ANK2: variants seen among roughly 807,000 people sequenced by gnomAD.
The protein encoded by ANK2 is ankyrin 2.
A neutral mutation model predicts 360.5 loss-of-function variants in ANK2; 83 were observed. That is an observed-to-expected ratio of 0.23 (90% CI 0.19 to 0.28). ANK2 has a LOEUF of 0.28. Among genes scored for constraint, ANK2 ranks in the 10% least tolerant of loss-of-function variants. The pLI is 1.00. For missense variants in ANK2, 4,201 were observed against 4,795.7 expected (o/e 0.88, Z 3.66); for synonymous variants, 1,740 against 1,759.5 (o/e 0.99, Z 0.28).
chr4:112,819,892 T>C (rs973655646), intron 1 of ANK2, among the ~76,000 whole-genome samples: 2 of 152,224 alleles, frequency 1.3e-5, no homozygotes, highest in South Asian at 2.1e-4. Context: ...GTAGTCTTCC[T>C]GATCTGGCCC....
intron 4 of ANK2, among the ~76,000 whole-genome samples, chr4:113,217,647 A>G (rs2099100600): frequency 6.6e-6 from 1 of 152,052 alleles, no homozygotes; most frequent in African/African-American, 2.4e-5. Flanking sequence ...TGCACCTGTG[A>G]GAATCTAATG....
At chr4:112,753,568 A>G in the ANK2 span, among the ~76,000 whole-genome samples, 1 of 152,120 alleles carries the variant, frequency 6.6e-6, no homozygotes, top group Non-Finnish European at 1.5e-5. Flanking sequence ...GTGAAATAGG[A>G]TATTGGCACA....
At chr4:112,718,471 C>T in the ANK2 span, among the ~76,000 whole-genome samples, 232 of 151,976 alleles carry the variant, frequency 1.5e-3, no homozygotes, top group African/African-American at 5.2e-3. Flanking sequence ...CCCACCACCA[C>T]GTTAACTAAT....
rs1168307046 is a variant in ANK2, at chr4:112,991,263, C to T, written c.21+86749C>T. ...AAAAAAAAAAAAAAAAATCAAGAAC[C>T]TCGTGTTGGAGACCTTCATTGGTTC... On this transcript the variant is annotated intron_variant, in intron 2 of 30. Coordinates refer to the ANK2 transcript ENST00000503271. Among the ~76,000 whole-genome samples, 4 of 145,498 alleles carry T rather than the reference C, an allele frequency of 2.7e-5. No homozygotes were observed. The East Asian group carries it at 8.1e-4, about 29-fold the overall frequency.
chr4:113,012,009 T>A (rs1245976514), intron 2 of ANK2, among the ~76,000 whole-genome samples: 1 of 152,086 alleles, frequency 6.6e-6, no homozygotes, highest in Non-Finnish European at 1.5e-5. Context: ...AGGCTCAAAT[T>A]TCATCATGTT....
chr4:112,761,626 A>C, the ANK2 span, among the ~76,000 whole-genome samples: 1 of 152,068 alleles, frequency 6.6e-6, no homozygotes, highest in Non-Finnish European at 1.5e-5. Flanking sequence ...TCTCAAAAAT[A>C]AATAAATAAA....
chr4:113,336,979 G>A (rs752784842), intron 31 of ANK2, among the ~76,000 whole-genome samples, 198 bp downstream of exon 31: 7 of 152,212 alleles, frequency 4.6e-5, no homozygotes, highest in Non-Finnish European at 1.0e-4. Flanking sequence ...ATGCCAAACT[G>A]TTAGATAGTT....
intron 1 of ANK2, among the ~76,000 whole-genome samples, chr4:113,164,869 G>T (rs966140556): frequency 2.6e-5 from 4 of 152,142 alleles, no homozygotes; most frequent in African/African-American, 9.7e-5. Context: ...GCTGATTAGG[G>T]AATGAAAAGA....
chr4:113,325,521 G>A (rs1407201764), intron 26 of ANK2, among the ~76,000 whole-genome samples: 1 of 152,110 alleles, frequency 6.6e-6, no homozygotes, highest in East Asian at 1.9e-4. Flanking sequence ...ACTAGACCCA[G>A]GGAAGAGCAT....
chr4:112,923,542 A>C (rs1198583947), intron 2 of ANK2, among the ~76,000 whole-genome samples: 2 of 152,052 alleles, frequency 1.3e-5, no homozygotes, highest in African/African-American at 4.8e-5. Flanking sequence ...ATATTTTTGA[A>C]AAGAAAGAAA....
intron 1 of ANK2, among the ~76,000 whole-genome samples, chr4:112,894,278 C>T (rs1252534474): frequency 2.0e-5 from 3 of 152,120 alleles, no homozygotes; most frequent in Non-Finnish European, 4.4e-5. Context: ...TTGAGAAATT[C>T]AGTCTAGTGG....
At chr4:113,254,114 T>C (rs1331751431) in intron 10 of ANK2, among the ~76,000 whole-genome samples, 2 of 152,254 alleles carry the variant, frequency 1.3e-5, no homozygotes, top group Non-Finnish European at 2.9e-5. Context: ...ATCTTCTCAG[T>C]GAGGCCATTT....
chr4:113,071,568 T>G (rs1290485379), intron 1 of ANK2, among the ~76,000 whole-genome samples: 2 of 152,186 alleles, frequency 1.3e-5, no homozygotes, highest in Non-Finnish European at 2.9e-5. Flanking sequence ...TCAGCTAACA[T>G]GCGCAGTGTT....
intron 2 of ANK2, among the ~76,000 whole-genome samples, chr4:112,916,590 C>T (rs1271738347): frequency 2.6e-5 from 4 of 152,114 alleles, no homozygotes; most frequent in Non-Finnish European, 4.4e-5. Context: ...GATGTTACTG[C>T]GAGTAAAAGT....
chr4:113,225,201 A>G (rs182401256), intron 4 of ANK2, among the ~76,000 whole-genome samples: 16 of 152,330 alleles, frequency 1.1e-4, no homozygotes, highest in African/African-American at 3.4e-4. Flanking sequence ...TGCATGGGCC[A>G]TAATATACCT....
chr4:112,711,894 C>T, the ANK2 span, among the ~76,000 whole-genome samples: 1 of 148,668 alleles, frequency 6.7e-6, no homozygotes, highest in Non-Finnish European at 1.5e-5. Context: ...AAAAGCACAA[C>T]AAACAAATGC....
the ANK2 span, among the ~76,000 whole-genome samples, chr4:112,750,072 T>C: frequency 6.6e-6 from 1 of 152,102 alleles, no homozygotes; most frequent in East Asian, 1.9e-4. Flanking sequence ...CTAACACATT[T>C]TCTTTCATAC....
At chr4:112,941,279 G>C (rs1003669303) in intron 2 of ANK2, among the ~76,000 whole-genome samples, 1 of 146,260 alleles carries the variant, frequency 6.8e-6, no homozygotes, top group South Asian at 2.2e-4. Flanking sequence ...AGATATATAG[G>C]TATATATATA....
intron 1 of ANK2, among the ~76,000 whole-genome samples, chr4:112,863,678 A>G (rs1485286369): frequency 6.6e-6 from 1 of 151,558 alleles, no homozygotes; most frequent in Admixed American, 6.6e-5. Context: ...GCCAGCCACC[A>G]CGCCCGGCTA....
Sources: allele counts gnomAD v4.1 joint callset (sites outside exome capture counted in the v4.1 genomes callset), GRCh38; gene constraint gnomAD v4.1.1; transcripts MANE v1.5; gene names NCBI Gene and HGNC (gene_info 2026-07-23, HGNC 2026-07-21).